Variants in AKAP19 observed in about 807,000 individuals in gnomAD.
AKAP19 encodes the protein small A-kinase anchoring protein.
the AKAP19 span, among the ~76,000 whole-genome samples, chr2:189,958,312 C>G: frequency 6.6e-6 from 1 of 151,846 alleles, no homozygotes; most frequent in African/African-American, 2.4e-5. Context: ...CAGAGAAGTG[C>G]ATATTAAAAC....
chr2:189,922,691 T>C, the AKAP19 span, among the ~76,000 whole-genome samples: 1 of 152,228 alleles, frequency 6.6e-6, no homozygotes, highest in Non-Finnish European at 1.5e-5. Flanking sequence ...TAAACAAATA[T>C]CTTTTTTACC....
the AKAP19 span, among the ~76,000 whole-genome samples, chr2:189,895,332 T>A: frequency 5.9e-5 from 9 of 152,256 alleles, no homozygotes; most frequent in East Asian, 1.7e-3. Context: ...ATCTCCTATT[T>A]TTATTTTTAA....
chr2:190,142,546 A>G, the AKAP19 span, among the ~76,000 whole-genome samples: 1 of 152,052 alleles, frequency 6.6e-6, no homozygotes, highest in African/African-American at 2.4e-5. Flanking sequence ...CCAAGGGGCC[A>G]CTCTTTGGAG....
chr2:190,122,928 G>C, the AKAP19 span, among the ~76,000 whole-genome samples: 1 of 151,458 alleles, frequency 6.6e-6, no homozygotes, highest in Non-Finnish European at 1.5e-5. Context: ...TCCTACTTTG[G>C]CCTCCTGAGT....
chr2:189,930,738 A>T, the AKAP19 span: 1 of 658,878 alleles, frequency 1.5e-6, no homozygotes, highest in Non-Finnish European at 2.8e-6. Context: ...TACAGATCAC[A>T]CACTCCCAGA....
chr2:189,939,773 C>A, the AKAP19 span, among the ~76,000 whole-genome samples: 12 of 152,134 alleles, frequency 7.9e-5, no homozygotes, highest in Admixed American at 1.3e-4. Flanking sequence ...AGTTGAACTG[C>A]AAAATTCACT....
the AKAP19 span, among the ~76,000 whole-genome samples, chr2:190,165,902 A>C: frequency 6.6e-6 from 1 of 152,224 alleles, no homozygotes; most frequent in African/African-American, 2.4e-5. Context: ...ATACAAAGGA[A>C]TTGAAGGAAT....
At chr2:190,053,784 G>T in the AKAP19 span, among the ~76,000 whole-genome samples, 2 of 151,942 alleles carry the variant, frequency 1.3e-5, no homozygotes, top group African/African-American at 4.8e-5. Flanking sequence ...TTTGAATTTA[G>T]ATTTCTATTT....
At chr2:190,180,935 T>G in the AKAP19 span, 13 of 984,960 alleles carry the variant, frequency 1.3e-5, no homozygotes, top group East Asian at 1.1e-3. The surrounding 1 kb of genome is among the most constrained non-coding windows in gnomAD (Gnocchi z 6.8). Context: ...GGACTGCACT[T>G]TGCCCCCGCC....
At chr2:190,114,560 A>T in the AKAP19 span, among the ~76,000 whole-genome samples, 8 of 152,282 alleles carry the variant, frequency 5.3e-5, no homozygotes, top group African/African-American at 7.2e-5. Flanking sequence ...GATTCACGCC[A>T]TTCTCCTGCC....
At chr2:190,084,352 C>A in the AKAP19 span, among the ~76,000 whole-genome samples, 2 of 152,114 alleles carry the variant, frequency 1.3e-5, no homozygotes, top group Admixed American at 1.3e-4. Flanking sequence ...CTCAGCCTCC[C>A]AAAGTGCTGG....
the AKAP19 span, among the ~76,000 whole-genome samples, chr2:189,982,579 C>T: frequency 1.3e-5 from 2 of 152,064 alleles, no homozygotes; most frequent in Non-Finnish European, 1.5e-5. Context: ...TTTGTACTGC[C>T]AGAGTTCTTG....
At chr2:189,905,845 C>A in the AKAP19 span, among the ~76,000 whole-genome samples, 22 of 151,816 alleles carry the variant, frequency 1.4e-4, no homozygotes, top group African/African-American at 5.3e-4. Context: ...AAGAAGATAC[C>A]CCAAGGCCGG....
At chr2:190,045,266 A>G in the AKAP19 span, among the ~76,000 whole-genome samples, 1 of 151,948 alleles carries the variant, frequency 6.6e-6, no homozygotes, top group Non-Finnish European at 1.5e-5. Context: ...GCTGTGCTGG[A>G]GGATCCCTTC....
chr2:190,106,065 A>T, the AKAP19 span, among the ~76,000 whole-genome samples: 1 of 152,252 alleles, frequency 6.6e-6, no homozygotes. Context: ...GACAAGATTA[A>T]CACCTGACAT....
chr2:189,887,225 G>C, the AKAP19 span, among the ~76,000 whole-genome samples: 6,859 of 152,194 alleles, frequency 0.045, 247 homozygotes, highest in African/African-American at 0.088. Context: ...CCACTTATGA[G>C]TGAGAACACG....
the AKAP19 span, among the ~76,000 whole-genome samples, chr2:190,135,920 A>G: frequency 0.54 from 81,995 of 152,024 alleles, 22,741 homozygotes; most frequent in Middle Eastern, 0.65. Flanking sequence ...GAAGGACTAA[A>G]GAAAGTGCCA....
chr2:190,148,587 A>T, the AKAP19 span, among the ~76,000 whole-genome samples: 1 of 152,152 alleles, frequency 6.6e-6, no homozygotes, highest in African/African-American at 2.4e-5. Flanking sequence ...ATTGGGACCA[A>T]TTCTCCTTTG....
the AKAP19 span, among the ~76,000 whole-genome samples, chr2:189,956,966 A>C: frequency 6.6e-6 from 1 of 152,256 alleles, no homozygotes; most frequent in African/African-American, 2.4e-5. Flanking sequence ...TTCCGAGTTC[A>C]GGAGTTCAAG....
Sources: gnomAD v4.1 joint callset for allele counts (sites outside exome capture counted in the v4.1 genomes callset) on GRCh38, gnomAD v4.1.1 for gene constraint, Gnocchi (gnomAD v3.1) non-coding constraint, MANE v1.5 for transcripts, NCBI Gene and HGNC (gene_info 2026-07-23, HGNC 2026-07-21) for gene names.